CSMD1: variants seen among roughly 807,000 people sequenced by gnomAD.
CSMD1 encodes CUB and sushi domain-containing protein 1.
In CSMD1, 213 loss-of-function variants were observed where a neutral mutation model predicts 417.5. The observed-to-expected ratio is 0.51, with a 90% CI of 0.46 to 0.57. The LOEUF (loss-of-function observed/expected upper bound fraction) is 0.57. CSMD1 is among the 20% of genes least tolerant of loss of function. The probability of loss-of-function intolerance (pLI) is 0.00; values close to 1 mark genes in which losing one functional copy is unlikely to be tolerated. For synonymous variants in CSMD1, 2,862 were observed against 1,736.8 expected (o/e 1.65, Z -16.11); for missense variants, 6,923 against 4,529.7 (o/e 1.53, Z -15.17).
chr8:3,768,248 G>C (rs912946268), intron 5 of CSMD1, among the ~76,000 whole-genome samples: 2 of 152,174 alleles, frequency 1.3e-5, no homozygotes. Flanking sequence ...ACAAGGCGGA[G>C]ACGTATTCCC....
intron 7 of CSMD1, among the ~76,000 whole-genome samples, chr8:3,623,976 A>C (rs1036153780): frequency 2.0e-5 from 3 of 152,098 alleles, no homozygotes; most frequent in African/African-American, 7.2e-5. Context: ...AACTCCACAA[A>C]AAAACAAAAC....
At chr8:3,194,676 G>T (rs28425768) in intron 33 of CSMD1, among the ~76,000 whole-genome samples, 1 of 150,028 alleles carries the variant, frequency 6.7e-6, no homozygotes, top group Non-Finnish European at 1.5e-5. Context: ...CGCCATGTTA[G>T]CCACGCTGGT....
At chr8:4,856,286 A>G (rs1326928479) in intron 1 of CSMD1, among the ~76,000 whole-genome samples, 1 of 142,584 alleles carries the variant, frequency 7.0e-6, no homozygotes. Flanking sequence ...GGAAATGAAC[A>G]AACGGTACCA....
intron 5 of CSMD1, among the ~76,000 whole-genome samples, chr8:3,850,660 A>T (rs1039746511): frequency 6.6e-6 from 1 of 152,238 alleles, no homozygotes. Context: ...GCACCACTGC[A>T]CTCCAGCCTG....
intron 21 of CSMD1, among the ~76,000 whole-genome samples, chr8:3,349,003 G>C (rs1808208123): frequency 6.6e-6 from 1 of 152,170 alleles, no homozygotes; most frequent in African/African-American, 2.4e-5. Context: ...CACACACACA[G>C]AGGTTTGTCT....
intron 18 of CSMD1, among the ~76,000 whole-genome samples, chr8:3,378,664 G>C (rs952766131): frequency 3.3e-5 from 5 of 152,078 alleles, no homozygotes; most frequent in African/African-American, 1.2e-4. Context: ...ATTATCTCAA[G>C]AGATGAAGAA....
intron 3 of CSMD1, among the ~76,000 whole-genome samples, chr8:4,287,101 C>T (rs1446348400): frequency 1.3e-5 from 2 of 152,196 alleles, no homozygotes; most frequent in African/African-American, 2.4e-5. Context: ...ATCTACTTCA[C>T]ACAAAACAAA....
At chr8:4,433,473 A>G (rs1027651800) in intron 2 of CSMD1, among the ~76,000 whole-genome samples, 1 of 152,206 alleles carries the variant, frequency 6.6e-6, no homozygotes, top group East Asian at 1.9e-4. Flanking sequence ...CGCACTGGCT[A>G]TCTGCAAGCG....
chr8:3,578,017 G>A (rs1176659655), intron 9 of CSMD1, among the ~76,000 whole-genome samples: 1 of 152,102 alleles, frequency 6.6e-6, no homozygotes, highest in Non-Finnish European at 1.5e-5. Flanking sequence ...TCCCCTAGCT[G>A]TCCTGCAGCT....
intron 26 of CSMD1, among the ~76,000 whole-genome samples, chr8:3,276,724 A>G (rs550125053): frequency 1.6e-4 from 24 of 152,304 alleles, no homozygotes; most frequent in Admixed American, 2.0e-4. Context: ...GCTCAGCTCA[A>G]TTACAAAGCA....
chr8:3,805,580 T>A (rs906141385), intron 5 of CSMD1, among the ~76,000 whole-genome samples: 1 of 152,176 alleles, frequency 6.6e-6, no homozygotes, highest in Non-Finnish European at 1.5e-5. Context: ...AGGTGAAACC[T>A]TTCTGAATCA....
intron 3 of CSMD1, among the ~76,000 whole-genome samples, chr8:4,209,445 A>C (rs1800175935): frequency 6.6e-6 from 1 of 152,168 alleles, no homozygotes; most frequent in South Asian, 2.1e-4. Flanking sequence ...CATCAAGCCA[A>C]GTGAGGACAT....
At chr8:4,224,849 C>A (rs1033296432) in intron 3 of CSMD1, among the ~76,000 whole-genome samples, 7 of 152,222 alleles carry the variant, frequency 4.6e-5, no homozygotes, top group Non-Finnish European at 8.8e-5. Context: ...GTGGCTCACG[C>A]CTGTCATCCC....
chr8:4,666,948 T>A (rs1426321397), intron 1 of CSMD1, among the ~76,000 whole-genome samples: 2 of 152,210 alleles, frequency 1.3e-5, no homozygotes, highest in Non-Finnish European at 2.9e-5. Flanking sequence ...TTGTGAAGCA[T>A]TTATAAAATT....
intron 3 of CSMD1, among the ~76,000 whole-genome samples, chr8:4,156,584 C>T (rs961933803): frequency 6.6e-5 from 10 of 152,010 alleles, no homozygotes; most frequent in African/African-American, 2.4e-4. Context: ...TACCCAAAAG[C>T]ATTCAGTTAG....
chr8:3,030,853 AT>A (rs1301040781), intron 50 of CSMD1, among the ~76,000 whole-genome samples: 1 of 152,028 alleles, frequency 6.6e-6, no homozygotes, highest in African/African-American at 2.4e-5. Context: ...AAAAATCTTG[AT>A]TAGTCTTTTC....
At chr8:3,545,426 C>G (rs1158606631) in intron 10 of CSMD1, among the ~76,000 whole-genome samples, 1 of 152,152 alleles carries the variant, frequency 6.6e-6, no homozygotes, top group African/African-American at 2.4e-5. Context: ...CCAAGGTGGC[C>G]ATTTCTGAAA....
At chr8:3,720,620 TACACAC>T (rs1554520854) in intron 6 of CSMD1, among the ~76,000 whole-genome samples, 86 of 143,420 alleles carry the variant, frequency 6.0e-4, no homozygotes, top group Non-Finnish European at 7.4e-4. Flanking sequence ...TCTTTATTCT[TACACAC>T]ACACACACAC....
intron 26 of CSMD1, among the ~76,000 whole-genome samples, chr8:3,253,461 T>A (rs570589303): frequency 7.7e-4 from 118 of 152,326 alleles, no homozygotes; most frequent in African/African-American, 2.7e-3. Flanking sequence ...ATGTGGTCAA[T>A]TTTGGACTAG....
Sources: allele counts gnomAD v4.1 joint callset (sites outside exome capture counted in the v4.1 genomes callset), GRCh38; gene constraint gnomAD v4.1.1; transcripts MANE v1.5; gene names NCBI Gene and HGNC (gene_info 2026-07-23, HGNC 2026-07-21).